Variants in PLA2G4E observed in about 807,000 individuals in gnomAD.
PLA2G4E encodes phospholipase A2 group IVE, also known as cytosolic phospholipase A2 epsilon.
Under a neutral mutation model 109.1 loss-of-function variants are expected in PLA2G4E, and 84 were observed. The observed-to-expected ratio is 0.77, with a 90% confidence interval of 0.65 to 0.92. PLA2G4E has a LOEUF of 0.92. PLA2G4E is among the 40% of genes least tolerant of loss of function. PLA2G4E has a pLI of 0.00. For missense variants in PLA2G4E, 1,057 were observed against 1,076.6 expected (o/e 0.98, Z 0.25); for synonymous variants, 469 against 436.1 (o/e 1.08, Z -0.94).
chr15:42,004,857 G>T, intron 5 of PLA2G4E, 81 bp downstream of exon 5: 2 of 1,520,070 alleles, frequency 1.3e-6, no homozygotes, highest in East Asian at 2.3e-5. Context: ...CAAAAAGGCC[G>T]ACCTGCCTCT....
At chr15:41,993,003 G>C in intron 12 of PLA2G4E, 44 bp from the exon 13 acceptor site, 1 of 1,532,200 alleles carries the variant, frequency 6.5e-7, no homozygotes, top group Non-Finnish European at 8.9e-7. Flanking sequence ...CCCGGCCCCT[G>C]TCTGATGAGT....
At chr15:42,020,874 C>T (rs903778518) in intron 1 of PLA2G4E, among the ~76,000 whole-genome samples, 61 bp downstream of exon 1, 2 of 152,130 alleles carry the variant, frequency 1.3e-5, no homozygotes, top group Non-Finnish European at 2.9e-5. Context: ...CCCCTCACTT[C>T]CTGGCCATGC....
chr15:41,989,947 T>C (rs529115601), intron 14 of PLA2G4E, among the ~76,000 whole-genome samples, 174 bp downstream of exon 14: 1 of 152,322 alleles, frequency 6.6e-6, no homozygotes, highest in African/African-American at 2.4e-5. Context: ...GCCTCACCCA[T>C]GCAGCAGGGC....
intron 9 of PLA2G4E, 48 bp downstream of exon 9, chr15:41,999,869 G>A (rs764796735): frequency 2.0e-6 from 3 of 1,529,692 alleles, no homozygotes; most frequent in African/African-American, 1.4e-5. Flanking sequence ...TACCACAGGA[G>A]CTCCAGGGGA....
intron 1 of PLA2G4E, among the ~76,000 whole-genome samples, chr15:42,046,061 G>A (rs929801401): frequency 2.0e-5 from 3 of 151,906 alleles, no homozygotes; most frequent in Non-Finnish European, 2.9e-5. Context: ...CTGTAAATTC[G>A]ACCTCCAGGA....
At chr15:41,984,659 G>A in intron 18 of PLA2G4E, 40 bp from the exon 19 acceptor site, 1 of 1,508,694 alleles carries the variant, frequency 6.6e-7, no homozygotes, top group Non-Finnish European at 9.0e-7. Flanking sequence ...ATTAGGAGGA[G>A]TGGGAGTGGA....
At chr15:42,006,177 C>G in intron 3 of PLA2G4E, 56 bp from the exon 4 acceptor site, 1 of 1,602,910 alleles carries the variant, frequency 6.2e-7, no homozygotes, top group Non-Finnish European at 8.5e-7. Flanking sequence ...GACCCCTTCC[C>G]AGAACAAGGG....
chr15:42,030,563 T>C (rs916139026), intron 1 of PLA2G4E, among the ~76,000 whole-genome samples: 3 of 152,176 alleles, frequency 2.0e-5, no homozygotes, highest in Non-Finnish European at 4.4e-5. Flanking sequence ...GAGGAGAAAT[T>C]TGGAGCAGGG....
At chr15:42,048,734 G>C (rs1187579536) in intron 1 of PLA2G4E, among the ~76,000 whole-genome samples, 3 of 152,220 alleles carry the variant, frequency 2.0e-5, no homozygotes, top group African/African-American at 7.2e-5. Context: ...CCCATAGAGG[G>C]AGAAACTGAA....
intron 1 of PLA2G4E, among the ~76,000 whole-genome samples, chr15:42,032,817 C>T (rs747820233): frequency 2.0e-5 from 3 of 152,112 alleles, no homozygotes; most frequent in Non-Finnish European, 2.9e-5. Flanking sequence ...AGGAACACAG[C>T]CAGGAAAGAG....
Position 41,997,120 on chromosome 15 carries a change from C to A in PLA2G4E, c.1110+4G>T, listed in dbSNP as rs1328920004. ...CCAGGCTGGCCACATCCCTGATTAC[C>A]CACCTCGTCCTCCTGCAGGTCTTCC... On this transcript the variant is annotated splice_donor_region_variant and intron_variant, in intron 11 of 19. Coordinates refer to ENST00000399518, the Ensembl canonical transcript of PLA2G4E. 1.2e-5 allele frequency: 19 copies of A among 1,562,444 alleles called. No individual in the cohort carries two copies. The highest frequency in any genetic ancestry group is 1.6e-5 in the Non-Finnish European group (19 of 1,153,360).
At position 42,013,579 on chromosome 15, in the gene PLA2G4E, G is replaced by C. The variant is rs1668566; in HGVS notation, c.256+106C>G. 0.011 allele frequency: 11,765 copies of C among 1,072,412 alleles called. 746 individuals are homozygous for C. In the African/African-American group the frequency reaches 0.15, roughly 14 times the overall value. The allele number at this position is 1,072,412 out of a possible 1,614,324, so 66.4% of individuals were successfully genotyped here. ...GTATACACCATGCACGTGCACACGTGCGCGCGCACACACACACACGGATCC... is the reference window on the plus strand; with the variant it reads ...GTATACACCATGCACGTGCACACGTCCGCGCGCACACACACACACGGATCC... On this transcript the variant is annotated intron_variant, in intron 2 of 19. Coordinates refer to ENST00000399518, the Ensembl canonical transcript of PLA2G4E.
chr15:42,016,282 G>C (rs944387905), intron 1 of PLA2G4E, among the ~76,000 whole-genome samples: 1 of 114,196 alleles, frequency 8.8e-6, no homozygotes, highest in Non-Finnish European at 1.7e-5. Flanking sequence ...GTCTCACTCT[G>C]TTGCCTTGGC....
chr15:42,006,175 C>T (rs1759115033), intron 3 of PLA2G4E, 54 bp from the exon 4 acceptor site: 2 of 1,604,106 alleles, frequency 1.2e-6, no homozygotes, highest in African/African-American at 1.3e-5. Context: ...TTGACCCCTT[C>T]CCAGAACAAG....
At chr15:41,998,324 TACA>T (rs1387402293) in intron 10 of PLA2G4E, 4 of 152,166 alleles carry the variant, frequency 2.6e-5, no homozygotes, top group Non-Finnish European at 5.9e-5. Flanking sequence ...ATAATAATAA[TACA>T]ACAACAATAA....
intron 1 of PLA2G4E, among the ~76,000 whole-genome samples, chr15:42,040,204 G>A (rs57613970): frequency 2.6e-4 from 39 of 150,882 alleles, no homozygotes; most frequent in East Asian, 9.8e-4. Context: ...ACACACACAC[G>A]CACACACACA....
intron 2 of PLA2G4E, chr15:42,010,173 C>A (rs1438627121): frequency 1.9e-6 from 1 of 527,540 alleles, no homozygotes; most frequent in Admixed American, 2.0e-5. Context: ...TCAGGTCTGT[C>A]TCCGGTACGC....
intron 1 of PLA2G4E, among the ~76,000 whole-genome samples, chr15:42,038,564 C>G (rs1437066992): frequency 6.6e-6 from 1 of 152,214 alleles, no homozygotes; most frequent in African/African-American, 2.4e-5. Flanking sequence ...AACGGCATTG[C>G]TGATCTGACA....
At chr15:41,991,902 G>C (rs2068255049) in intron 13 of PLA2G4E, among the ~76,000 whole-genome samples, 1 of 152,156 alleles carries the variant, frequency 6.6e-6, no homozygotes, top group African/African-American at 2.4e-5. Flanking sequence ...CAACCTAAAG[G>C]GCACAGATGT....
Sources: gnomAD v4.1 joint callset for allele counts (sites outside exome capture counted in the v4.1 genomes callset) on GRCh38, gnomAD v4.1.1 for gene constraint, MANE v1.5 for transcripts, NCBI Gene and HGNC (gene_info 2026-07-23, HGNC 2026-07-21) for gene names.